The following DENND1A variants were observed in gnomAD, a reference collection of about 807,000 sequenced individuals.
The protein encoded by DENND1A is DENN domain containing 1A.
Under a neutral mutation model 113.7 loss-of-function variants are expected in DENND1A, and 51 were observed. The ratio of observed to expected loss-of-function variants is 0.45; its 90% CI spans 0.36 to 0.57. The LOEUF (loss-of-function observed/expected upper bound fraction) is 0.57, where lower values mean the gene tolerates loss of function less well. Ranked by LOEUF, DENND1A falls within the 20% of genes least tolerant of loss-of-function variation. The probability of loss-of-function intolerance (pLI) is 0.00; values close to 1 mark genes in which losing one functional copy is unlikely to be tolerated. For missense variants in DENND1A, 1,258 were observed against 1,395.9 expected, an observed-to-expected ratio of 0.90 and a Z score of 1.57; for synonymous variants, 565 against 570.8, an observed-to-expected ratio of 0.99 and a Z score of 0.14.
chr9:123,767,686 G>A (rs1313606874), intron 4 of DENND1A, among the ~76,000 whole-genome samples: 1 of 152,158 alleles, frequency 6.6e-6, no homozygotes, highest in South Asian at 2.1e-4. Flanking sequence ...CTGCACATGT[G>A]TGTTGGTGGG....
chr9:123,702,915 G>A (rs895612964), intron 5 of DENND1A, among the ~76,000 whole-genome samples: 2 of 152,200 alleles, frequency 1.3e-5, no homozygotes, highest in African/African-American at 2.4e-5. Context: ...TGCCATAATG[G>A]TGGTATGTAA....
Position 123,381,712 on chromosome 9 carries a change from G to T in DENND1A, c.2933C>A (p.Ala978Asp). The change falls in exon 24 of 24, where the codon GCC becomes GAC. Residue 978 changes from alanine (A) to aspartate (D), a missense_variant. Ala to Asp is a moderately radical substitution (Grantham distance 126). Coordinates refer to ENST00000394215, the MANE Select transcript of DENND1A (RefSeq NM_001352964.2). This position sits in a 1 kb window ranked among gnomAD's most constrained non-coding sequence, Gnocchi z 4.7. ...GGGCAACGTTCGGATCCTCGACGGG[G>T]CAACTGCTGGGGGACCCAGCGGCTG... The part of the protein sequence containing the change: ...PLQPLGPPAV[A>D]PSRIRTLPLA... 1 of 1,541,548 alleles carries T rather than the reference G, an allele frequency of 6.5e-7. No individual in the cohort carries two copies. The highest frequency in any genetic ancestry group is 8.7e-7 in the Non-Finnish European group (1 of 1,143,134).
intron 9 of DENND1A, among the ~76,000 whole-genome samples, chr9:123,634,997 C>T (rs1176870646): frequency 6.6e-6 from 1 of 152,194 alleles, no homozygotes; most frequent in Non-Finnish European, 1.5e-5. Context: ...TTAGTTTTCT[C>T]TGAGGCAAAG....
chr9:123,454,849 C>CTT (rs764248245), intron 15 of DENND1A, 70 bp from the exon 16 acceptor site: 9,227 of 1,011,902 alleles, frequency 9.1e-3, no homozygotes, highest in Non-Finnish European at 0.011. Flanking sequence ...CTTAAAATTG[C>CTT]TTTTTTTTTT....
chr9:123,547,454 G>C (rs937721302), intron 13 of DENND1A, among the ~76,000 whole-genome samples: 6 of 152,206 alleles, frequency 3.9e-5, no homozygotes, highest in Non-Finnish European at 8.8e-5. Flanking sequence ...ACTTGAACTT[G>C]GGAGGCGGAG....
chr9:123,769,972 GGAACA>G (rs1484267564), intron 3 of DENND1A, among the ~76,000 whole-genome samples: 1 of 152,168 alleles, frequency 6.6e-6, no homozygotes, highest in African/African-American at 2.4e-5. Flanking sequence ...CTGTTACCTA[GGAACA>G]GAGGGGGCCA....
intron 19 of DENND1A, among the ~76,000 whole-genome samples, chr9:123,432,704 T>C (rs2046226547): frequency 6.6e-6 from 1 of 152,218 alleles, no homozygotes; most frequent in Non-Finnish European, 1.5e-5. Flanking sequence ...GGCGCGTGAC[T>C]GGGATGGGCA....
intron 3 of DENND1A, among the ~76,000 whole-genome samples, chr9:123,791,160 A>T (rs1382478983): frequency 1.3e-5 from 2 of 152,212 alleles, no homozygotes; most frequent in African/African-American, 4.8e-5. Context: ...GAGAATTCAG[A>T]TCATGGAACT....
chr9:123,382,746 T>G, intron 23 of DENND1A, 121 bp from the exon 24 acceptor site: 1 of 1,086,926 alleles, frequency 9.2e-7, no homozygotes, highest in Admixed American at 2.1e-5. Context: ...GCTGATCAGC[T>G]CCTCGGACTT....
intron 10 of DENND1A, among the ~76,000 whole-genome samples, chr9:123,627,725 G>A (rs1166974764): frequency 7.4e-6 from 1 of 135,000 alleles, no homozygotes; most frequent in African/African-American, 2.9e-5. Context: ...GGGCAACAGA[G>A]CAAAACTCTG....
At chr9:123,759,995 G>A (rs2070901453) in intron 4 of DENND1A, among the ~76,000 whole-genome samples, 1 of 152,136 alleles carries the variant, frequency 6.6e-6, no homozygotes, top group Non-Finnish European at 1.5e-5. Context: ...TTTTTTCTCT[G>A]AAGATTAAAA....
chr9:123,628,210 A>C (rs1376097412), intron 10 of DENND1A, among the ~76,000 whole-genome samples: 1 of 151,912 alleles, frequency 6.6e-6, no homozygotes, highest in African/African-American at 2.4e-5. Flanking sequence ...GGAGGCCAGT[A>C]GTGTGGATTC....
chr9:123,804,827 C>T (rs1835269464), intron 2 of DENND1A, among the ~76,000 whole-genome samples: 1 of 152,190 alleles, frequency 6.6e-6, no homozygotes, highest in Non-Finnish European at 1.5e-5. Context: ...GGATTAACTA[C>T]CAATAGCTTC....
chr9:123,439,304 T>C (rs2046755477), intron 19 of DENND1A, among the ~76,000 whole-genome samples: 1 of 152,258 alleles, frequency 6.6e-6, no homozygotes, highest in Non-Finnish European at 1.5e-5. Context: ...AAGTTAAAGA[T>C]GTATAAACAT....
At chr9:123,674,982 T>C (rs1397503308) in intron 6 of DENND1A, among the ~76,000 whole-genome samples, 4 of 152,188 alleles carry the variant, frequency 2.6e-5, no homozygotes, top group South Asian at 4.1e-4. Flanking sequence ...ACCTGAATGT[T>C]TGACTAAAGG....
At chr9:123,504,988 AC>A (rs923909875) in intron 13 of DENND1A, among the ~76,000 whole-genome samples, 3 of 151,968 alleles carry the variant, frequency 2.0e-5, no homozygotes, top group Non-Finnish European at 4.4e-5. Flanking sequence ...ACAAGAACCC[AC>A]CCCCCTTGTA....
At chr9:123,512,964 A>G (rs766417694) in intron 13 of DENND1A, among the ~76,000 whole-genome samples, 2 of 152,276 alleles carry the variant, frequency 1.3e-5, no homozygotes, top group Non-Finnish European at 2.9e-5. Context: ...GGTAAAAGAC[A>G]TGCTACCATA....
chr9:123,500,961 C>CATATA, intron 13 of DENND1A, among the ~76,000 whole-genome samples: 1 of 152,194 alleles, frequency 6.6e-6, no homozygotes, highest in East Asian at 1.9e-4. Context: ...AATTTACTGC[C>CATATA]GATTATTTTT....
intron 5 of DENND1A, among the ~76,000 whole-genome samples, chr9:123,717,887 T>G (rs1366423368): frequency 6.6e-6 from 1 of 152,192 alleles, no homozygotes; most frequent in Non-Finnish European, 1.5e-5. Context: ...ATGGTCCAAA[T>G]TTTTGCAAAG....
Sources: gnomAD v4.1 joint callset for allele counts (sites outside exome capture counted in the v4.1 genomes callset) on GRCh38, gnomAD v4.1.1 for gene constraint, Gnocchi (gnomAD v3.1) non-coding constraint, MANE v1.5 for transcripts, NCBI Gene and HGNC (gene_info 2026-07-23, HGNC 2026-07-21) for gene names.